Variants in TSC22D1 observed in about 807,000 individuals in gnomAD.
The protein encoded by TSC22D1 is TSC22 domain family member 1, also known as TSC22 domain family protein 1.
TSC22D1 carries 9 observed loss-of-function variants against 74.2 expected under a neutral mutation model. The ratio of observed to expected loss-of-function variants is 0.12; its 90% CI spans 0.07 to 0.21. The LOEUF (loss-of-function observed/expected upper bound fraction) is 0.21, where lower values mean the gene tolerates loss of function less well. TSC22D1 is among the 10% of genes least tolerant of loss of function. The pLI, the probability that TSC22D1 is intolerant of heterozygous loss-of-function variation, is 1.00. For missense variants in TSC22D1, 1,427 were observed against 1,304.7 expected, an observed-to-expected ratio of 1.09 and a Z score of -1.44; for synonymous variants, 586 against 492.5, an observed-to-expected ratio of 1.19 and a Z score of -2.51.
At chr13:44,436,787 G>A (rs1260387948) in intron 1 of TSC22D1, 19 of 1,441,662 alleles carry the variant, frequency 1.3e-5, no homozygotes, top group Non-Finnish European at 1.5e-5. Context: ...GATGATCCCA[G>A]GCAGATGCGG....
intron 1 of TSC22D1, among the ~76,000 whole-genome samples, chr13:44,469,708 T>G (rs556783399): frequency 6.6e-6 from 1 of 152,196 alleles, no homozygotes; most frequent in African/African-American, 2.4e-5. Context: ...AAGAGGAAAA[T>G]GTACCCAATC....
At chr13:44,545,259 C>G (rs1054414463) in intron 1 of TSC22D1, among the ~76,000 whole-genome samples, 1 of 151,590 alleles carries the variant, frequency 6.6e-6, no homozygotes, top group Non-Finnish European at 1.5e-5. Flanking sequence ...CGCTTGAACC[C>G]GGGAGGTGGA....
intron 1 of TSC22D1, among the ~76,000 whole-genome samples, chr13:44,464,831 A>C (rs1418919808): frequency 6.6e-6 from 1 of 152,154 alleles, no homozygotes; most frequent in Non-Finnish European, 1.5e-5. Context: ...CTTGTACCCA[A>C]CCTTACTGCA....
At position 44,517,829 on chromosome 13, in the gene TSC22D1, G is replaced by GTGTGTA. The variant is rs1271183064; in HGVS notation, c.2912+55333_2912+55334insTACACA. Among the ~76,000 whole-genome samples, 45 of 14,132 alleles carry GTGTGTA rather than the reference G, an allele frequency of 3.2e-3. 1 individual carries two copies. The highest frequency in any genetic ancestry group is 9.9e-3 in the South Asian group (3 of 304). The allele number at this position is 14,132 out of a possible 152,430, so 9.3% of individuals were successfully genotyped here. On this transcript the variant is annotated intron_variant, in intron 1 of 2. Transcript: ENST00000458659. Reference sequence around the variant, plus strand: ...CATATATATGTGTGTGTGTGTGTGTGTATATATATATATATATATATATAT... The same window carrying GTGTGTA: ...CATATATATGTGTGTGTGTGTGTGTGTGTGTATATATATATATATATATATATATAT...
chr13:44,470,228 A>G (rs1877522501), intron 1 of TSC22D1, among the ~76,000 whole-genome samples: 1 of 152,210 alleles, frequency 6.6e-6, no homozygotes. Context: ...CTTTTATAAC[A>G]GGTTCGCAGA....
chr13:44,438,212 A>T (rs1194465799), intron 1 of TSC22D1, among the ~76,000 whole-genome samples: 1 of 152,194 alleles, frequency 6.6e-6, no homozygotes, highest in Non-Finnish European at 1.5e-5. Flanking sequence ...AAAAATCTAC[A>T]AAGTACTTGG....
At chr13:44,491,771 A>G (rs1398861737) in intron 1 of TSC22D1, among the ~76,000 whole-genome samples, 2 of 152,228 alleles carry the variant, frequency 1.3e-5, no homozygotes, top group Non-Finnish European at 1.5e-5. Context: ...GCAAAATTGA[A>G]GCAGCCCGAC....
At chr13:44,442,314 C>G (rs922960220) in intron 1 of TSC22D1, among the ~76,000 whole-genome samples, 2 of 152,158 alleles carry the variant, frequency 1.3e-5, no homozygotes, top group Admixed American at 6.5e-5. Flanking sequence ...GGAAATATCA[C>G]TCATGAGGAG....
chr13:44,477,736 G>A (rs982835558), intron 1 of TSC22D1, among the ~76,000 whole-genome samples: 3 of 149,068 alleles, frequency 2.0e-5, no homozygotes. Flanking sequence ...TCCGCCTCCT[G>A]GGCTCAAGTG....
At chr13:44,515,244 T>C (rs1879921504) in intron 1 of TSC22D1, among the ~76,000 whole-genome samples, 1 of 152,128 alleles carries the variant, frequency 6.6e-6, no homozygotes, top group Non-Finnish European at 1.5e-5. Flanking sequence ...AAAATAAGCA[T>C]TGATTAGAGA....
At chr13:44,519,568 G>T (rs145214002) in intron 1 of TSC22D1, among the ~76,000 whole-genome samples, 29 of 152,098 alleles carry the variant, frequency 1.9e-4, no homozygotes, top group African/African-American at 7.0e-4. Context: ...GTGGTCAAAG[G>T]TAAGACTGGA....
At chr13:44,500,851 A>AT (rs1879193521) in intron 1 of TSC22D1, among the ~76,000 whole-genome samples, 2 of 151,990 alleles carry the variant, frequency 1.3e-5, no homozygotes, top group South Asian at 4.1e-4. Context: ...TGCCTGGCTA[A>AT]TTTTTTTATT....
Position 44,435,836 on chromosome 13 carries a change from C to G in TSC22D1, c.2964+208G>C. 3 of 604,248 alleles carry G rather than the reference C, an allele frequency of 5.0e-6. No individual in the cohort carries two copies. In the South Asian group the frequency reaches 5.9e-5, roughly 12 times the overall value. The allele number at this position is 604,248 out of a possible 1,614,324, so 37.4% of individuals were successfully genotyped here. A position where few individuals can be genotyped will look rare whatever the true frequency, so the allele number is the denominator to read the frequency against. On this transcript the variant is annotated intron_variant, in intron 2 of 2. Coordinates refer to ENST00000458659, the MANE Select transcript of TSC22D1 (RefSeq NM_183422.4). ...TGTGAAACCAGTCCGGGGAAGAAGA[C>G]CATTTAATACCCGCAGGGCCCCTTT...
intron 1 of TSC22D1, among the ~76,000 whole-genome samples, chr13:44,548,837 ATATC>A (rs1405868823): frequency 6.6e-6 from 1 of 152,208 alleles, no homozygotes; most frequent in African/African-American, 2.4e-5. Context: ...TACCTGATAC[ATATC>A]TATTGATTTG....
chr13:44,493,384 T>G (rs1367948545), intron 1 of TSC22D1, among the ~76,000 whole-genome samples: 3 of 152,168 alleles, frequency 2.0e-5, no homozygotes, highest in Non-Finnish European at 2.9e-5. Context: ...TTGCCTTACT[T>G]TCACCTAACT....
At chr13:44,533,383 C>G (rs897990061) in intron 1 of TSC22D1, among the ~76,000 whole-genome samples, 1 of 151,270 alleles carries the variant, frequency 6.6e-6, no homozygotes, top group Non-Finnish European at 1.5e-5. Flanking sequence ...CCACTTGAAC[C>G]CAGGAGGCAG....
chr13:44,531,086 G>A (rs553244742), intron 1 of TSC22D1, among the ~76,000 whole-genome samples: 11 of 152,196 alleles, frequency 7.2e-5, no homozygotes, highest in Admixed American at 5.2e-4. Flanking sequence ...AGAACTGCAC[G>A]ACAGAAAGCA....
intron 1 of TSC22D1, among the ~76,000 whole-genome samples, chr13:44,566,705 T>C (rs1028619479): frequency 6.6e-6 from 1 of 152,086 alleles, no homozygotes; most frequent in African/African-American, 2.4e-5. Flanking sequence ...TTTGTTAAGA[T>C]ACAAAGACAT....
At chr13:44,510,318 C>T (rs1012039792) in intron 1 of TSC22D1, among the ~76,000 whole-genome samples, 26 of 151,382 alleles carry the variant, frequency 1.7e-4, no homozygotes, top group Admixed American at 6.6e-5. Context: ...CTTGAACCTG[C>T]GAGGCGGGGG....
Sources: gnomAD v4.1 joint callset for allele counts (sites outside exome capture counted in the v4.1 genomes callset) on GRCh38, gnomAD v4.1.1 for gene constraint, MANE v1.5 for transcripts, NCBI Gene and HGNC (gene_info 2026-07-23, HGNC 2026-07-21) for gene names.